Variants in PCDHGA6 observed in about 807,000 individuals in gnomAD.
PCDHGA6 encodes the protein protocadherin gamma-A6.
PCDHGA6 carries 41 observed loss-of-function variants against 60.6 expected under a neutral mutation model. The ratio of observed to expected loss-of-function variants is 0.68; its 90% confidence interval spans 0.53 to 0.88. The LOEUF (loss-of-function observed/expected upper bound fraction) is 0.88, where lower values mean the gene tolerates loss of function less well. PCDHGA6 is among the 40% of genes least tolerant of loss of function. The probability of loss-of-function intolerance (pLI) is 0.00; values close to 1 mark genes in which losing one functional copy is unlikely to be tolerated. For missense variants in PCDHGA6, 1,312 were observed against 1,203.0 expected (o/e 1.09, Z -1.34); for synonymous variants, 594 against 524.4 (o/e 1.13, Z -1.81).
At chr5:141,388,364 G>A (rs749994962) in intron 1 of PCDHGA6, 12 of 1,613,846 alleles carry the variant, frequency 7.4e-6, no homozygotes, top group Middle Eastern at 1.6e-4. Context: ...CCCATGATGC[G>A]GATATTGGTA....
Position 141,431,972 on chromosome 5 carries a change from G to T in PCDHGA6, c.2424+55465G>T, listed in dbSNP as rs750484866. On this transcript the variant is annotated intron_variant, in intron 1 of 3. Coordinates refer to ENST00000517434, the MANE Select transcript of PCDHGA6 (RefSeq NM_018919.3). The surrounding 1 kb of genome is among the most constrained non-coding windows in gnomAD (Gnocchi z 4.8). ...ATCTTACGGAAATTACTATAGTTTA[G>T]TCACAGACATAGTCTTGGATAGGGA... is the stretch of plus-strand genomic sequence containing the variant. The T allele has an allele frequency of 8.1e-6, 13 of 1,614,072 alleles. No homozygotes were observed. Among genetic ancestry groups the T allele is most frequent in the Non-Finnish European group, 1.1e-5 (13 of 1,180,028 alleles).
At chr5:141,478,087 C>T in intron 1 of PCDHGA6, 1 of 1,614,134 alleles carries the variant, frequency 6.2e-7, no homozygotes, top group East Asian at 2.2e-5. Flanking sequence ...CTTCGCTCTC[C>T]ACCACTGCTA....
intron 1 of PCDHGA6, chr5:141,388,375 G>A (rs2091339163): frequency 7.4e-6 from 12 of 1,613,962 alleles, no homozygotes; most frequent in Non-Finnish European, 1.0e-5. Flanking sequence ...GATATTGGTA[G>A]CAACACACTG....
intron 1 of PCDHGA6, chr5:141,383,224 C>T: frequency 6.2e-7 from 1 of 1,613,968 alleles, no homozygotes; most frequent in South Asian, 1.1e-5. Flanking sequence ...CTTTAACATC[C>T]TGATGGAAGA....
At chr5:141,465,657 G>A (rs904553709) in intron 1 of PCDHGA6, among the ~76,000 whole-genome samples, 4 of 152,130 alleles carry the variant, frequency 2.6e-5, no homozygotes, top group East Asian at 1.9e-4. Flanking sequence ...CCAAAAAAGC[G>A]CTTGCCATGA....
intron 1 of PCDHGA6, chr5:141,413,303 T>G (rs772421197): frequency 6.8e-6 from 11 of 1,613,942 alleles, no homozygotes; most frequent in Middle Eastern, 3.3e-4. Flanking sequence ...CCTGAGGAAT[T>G]AGAGAAAGGC....
intron 1 of PCDHGA6, among the ~76,000 whole-genome samples, chr5:141,429,780 A>G (rs1301908729): frequency 1.3e-5 from 2 of 152,222 alleles, no homozygotes; most frequent in Non-Finnish European, 2.9e-5. Flanking sequence ...ATGGGCTTCC[A>G]AAAGTATTAC....
At chr5:141,414,947 T>C (rs1422289231) in intron 1 of PCDHGA6, 1 of 1,614,052 alleles carries the variant, frequency 6.2e-7, no homozygotes, top group Non-Finnish European at 8.5e-7. Context: ...CCCGGCTACC[T>C]GGTGACCAAG....
intron 1 of PCDHGA6, chr5:141,393,263 A>T: frequency 6.2e-7 from 1 of 1,613,926 alleles, no homozygotes; most frequent in African/African-American, 1.3e-5. Flanking sequence ...TTCCTGGAGC[A>T]CGTTATCCAC....
At chr5:141,384,522 T>G (rs1251146864) in intron 1 of PCDHGA6, 2 of 1,614,074 alleles carry the variant, frequency 1.2e-6, no homozygotes, top group East Asian at 2.2e-5. Context: ...GGGACCCGCC[T>G]CTCAGCAGCA....
rs1561857042 is a variant in PCDHGA6, at chr5:141,432,038, C to CG, written c.2424+55535dup. 3 of 1,614,190 alleles carry CG rather than the reference C, an allele frequency of 1.9e-6. No individual in the cohort carries two copies. The highest frequency in any genetic ancestry group is 2.5e-6 in the Non-Finnish European group (3 of 1,180,032). Reference sequence around the variant, plus strand: ...CAACATCACAGTGACCGCCACTGACCGGGGAACCCCGCCCCTATCCACGGA... The same window carrying CG: ...CAACATCACAGTGACCGCCACTGACCGGGGGAACCCCGCCCCTATCCACGGA... On this transcript the variant is annotated intron_variant, in intron 1 of 3. Transcript: ENST00000517434. The surrounding 1 kb of genome is among the most constrained non-coding windows in gnomAD (Gnocchi z 6.0).
At chr5:141,473,212 C>G (rs1311953997) in intron 1 of PCDHGA6, among the ~76,000 whole-genome samples, 1 of 152,012 alleles carries the variant, frequency 6.6e-6, no homozygotes, top group Non-Finnish European at 1.5e-5. Flanking sequence ...AAAATGCTTA[C>G]TTCCAGGGAG....
chr5:141,439,171 C>T (rs948650584), intron 1 of PCDHGA6, among the ~76,000 whole-genome samples: 3 of 146,478 alleles, frequency 2.0e-5, no homozygotes, highest in Non-Finnish European at 3.0e-5. Context: ...CCAGCCTGGG[C>T]GACATAGTGA....
At chr5:141,497,077 G>A (rs191605427) in intron 2 of PCDHGA6, among the ~76,000 whole-genome samples, 4 of 151,990 alleles carry the variant, frequency 2.6e-5, no homozygotes, top group East Asian at 3.9e-4. Flanking sequence ...TAATCCCAGC[G>A]ACTTAGGAGG....
At position 141,502,499 on chromosome 5, in the gene PCDHGA6, C is replaced by T. The variant is rs552402476; in HGVS notation, c.2484-2894C>T. ...CATCACACTGGGACTCATCTAACGT[C>T]GGCCTGTCCCACTATCAGTGATGCC... On this transcript the variant is annotated intron_variant, in intron 2 of 3. Coordinates refer to ENST00000517434, the MANE Select transcript of PCDHGA6 (RefSeq NM_018919.3). Among the ~76,000 whole-genome samples, 24 of 152,240 alleles carry T rather than the reference C, an allele frequency of 1.6e-4. No homozygotes were observed. In the East Asian group the frequency reaches 4.1e-3, roughly 26 times the overall value.
intron 1 of PCDHGA6, among the ~76,000 whole-genome samples, chr5:141,449,342 C>T (rs895923034): frequency 3.3e-5 from 5 of 151,854 alleles, no homozygotes; most frequent in Non-Finnish European, 5.9e-5. Context: ...TGCAGTGGCT[C>T]ACTCCTGTAA....
chr5:141,427,260 AC>A (rs1388196814), intron 1 of PCDHGA6: 1 of 456,770 alleles, frequency 2.2e-6, no homozygotes, highest in Admixed American at 2.3e-5. Flanking sequence ...TGGAGGCATG[AC>A]CAGCGAATGT....
intron 1 of PCDHGA6, among the ~76,000 whole-genome samples, chr5:141,445,978 TTATAAA>T (rs551337386): frequency 6.6e-6 from 1 of 152,272 alleles, no homozygotes; most frequent in East Asian, 1.9e-4. Context: ...TTTATGAGGG[TTATAAA>T]TAGAAATAGG....
intron 1 of PCDHGA6, chr5:141,388,774 G>A: frequency 3.1e-6 from 5 of 1,613,878 alleles, no homozygotes; most frequent in Non-Finnish European, 4.2e-6. Flanking sequence ...TCTAACACCG[G>A]GGAAATTACT....
Sources: gnomAD v4.1 joint callset for allele counts (sites outside exome capture counted in the v4.1 genomes callset) on GRCh38, gnomAD v4.1.1 for gene constraint, Gnocchi (gnomAD v3.1) non-coding constraint, MANE v1.5 for transcripts, NCBI Gene and HGNC (gene_info 2026-07-23, HGNC 2026-07-21) for gene names.